The following KCNIP4 variants were observed in gnomAD, a reference collection of about 807,000 sequenced individuals.
The protein encoded by KCNIP4 is Kv channel-interacting protein 4.
In KCNIP4, 12 loss-of-function variants were observed where a neutral mutation model predicts 34.0. That is an observed-to-expected ratio of 0.35 (90% CI 0.23 to 0.57). KCNIP4 has a LOEUF of 0.57. KCNIP4 is among the 20% of genes least tolerant of loss of function. The pLI, the probability that KCNIP4 is intolerant of heterozygous loss-of-function variation, is 0.83. For synonymous variants in KCNIP4, 124 were observed against 102.2 expected (o/e 1.21, Z -1.29); for missense variants, 238 against 311.7 (o/e 0.76, Z 1.78).
chr4:21,745,540 A>G (rs1716714421), intron 1 of KCNIP4, among the ~76,000 whole-genome samples: 1 of 152,180 alleles, frequency 6.6e-6, no homozygotes, highest in Non-Finnish European at 1.5e-5. Context: ...TAAATTTAAA[A>G]TTCACCTACT....
At chr4:21,503,234 T>C (rs1197519505) in intron 1 of KCNIP4, among the ~76,000 whole-genome samples, 3 of 152,202 alleles carry the variant, frequency 2.0e-5, no homozygotes, top group Non-Finnish European at 2.9e-5. Flanking sequence ...TCTTGTATTT[T>C]CTTGCCTTAG....
chr4:20,894,796 T>C (rs144409914), intron 1 of KCNIP4, among the ~76,000 whole-genome samples: 2 of 152,298 alleles, frequency 1.3e-5, no homozygotes, highest in Non-Finnish European at 2.9e-5. Flanking sequence ...AATTAAACAA[T>C]AGAACAAGAA....
intron 1 of KCNIP4, among the ~76,000 whole-genome samples, chr4:21,772,905 TG>T (rs1718897014): frequency 1.3e-5 from 2 of 152,314 alleles, no homozygotes; most frequent in South Asian, 4.1e-4. Context: ...GGGTTTTTCA[TG>T]TCTCTATCTC....
intron 1 of KCNIP4, among the ~76,000 whole-genome samples, chr4:21,275,592 A>G (rs1762389871): frequency 6.6e-6 from 1 of 152,200 alleles, no homozygotes; most frequent in South Asian, 2.1e-4. Context: ...GAGAAAGCCT[A>G]GTGCAATTCT....
At chr4:20,734,805 G>T (rs192139659) in intron 5 of KCNIP4, 70 bp from the exon 6 acceptor site, 3 of 685,738 alleles carry the variant, frequency 4.4e-6, no homozygotes, top group Non-Finnish European at 4.7e-6. Flanking sequence ...AACAAATGAT[G>T]TAAGTAAGGG....
intron 1 of KCNIP4, among the ~76,000 whole-genome samples, chr4:21,555,665 C>A (rs1040025040): frequency 2.0e-5 from 3 of 152,084 alleles, no homozygotes; most frequent in African/African-American, 4.8e-5. Flanking sequence ...AACATATGCT[C>A]AAATACTGGT....
intron 1 of KCNIP4, among the ~76,000 whole-genome samples, chr4:21,565,102 T>C (rs2109040032): frequency 6.6e-6 from 1 of 152,276 alleles, no homozygotes; most frequent in Non-Finnish European, 1.5e-5. Flanking sequence ...AAAAATCCTG[T>C]GTTAATCAGC....
At chr4:21,117,328 T>G (rs1749785048) in intron 1 of KCNIP4, among the ~76,000 whole-genome samples, 1 of 144,682 alleles carries the variant, frequency 6.9e-6, no homozygotes, top group Admixed American at 7.0e-5. Context: ...GGCGCTGTTT[T>G]TCATCTTCCT....
rs531501226 is a variant in KCNIP4 at position 21,682,325 on chromosome 4, C to T, written c.61+266246G>A. On this transcript the variant is annotated intron_variant, in intron 1 of 8. Coordinates refer to ENST00000382152, the MANE Select transcript of KCNIP4 (RefSeq NM_025221.6). ...ATCCAATTTTCTCCCACCTCCAACA[C>T]TGGGGATTGTAACTCGACATAAGAT... Among the ~76,000 whole-genome samples the T allele has an allele frequency of 9.9e-5, 15 of 152,262 alleles. No homozygotes were observed. The East Asian group carries it at 2.1e-3, about 22-fold the overall frequency.
chr4:21,201,517 G>T (rs1756491987), intron 1 of KCNIP4, among the ~76,000 whole-genome samples: 1 of 152,094 alleles, frequency 6.6e-6, no homozygotes, highest in Non-Finnish European at 1.5e-5. Flanking sequence ...TTGTTTTTGA[G>T]ATGGACTCTC....
chr4:21,493,150 T>A (rs906550711), intron 1 of KCNIP4, among the ~76,000 whole-genome samples: 1 of 150,902 alleles, frequency 6.6e-6, no homozygotes, highest in Non-Finnish European at 1.5e-5. Context: ...CATGGGGCCA[T>A]CTGTAGTGCA....
intron 1 of KCNIP4, among the ~76,000 whole-genome samples, chr4:21,043,383 G>A (rs955219837): frequency 1.1e-4 from 17 of 152,188 alleles, no homozygotes; most frequent in African/African-American, 3.9e-4. Context: ...AGGCTGGAGT[G>A]CATTGGTGCG....
intron 1 of KCNIP4, among the ~76,000 whole-genome samples, chr4:20,894,076 T>C (rs538633617): frequency 3.6e-4 from 55 of 152,148 alleles, no homozygotes; most frequent in African/African-American, 1.2e-3. Flanking sequence ...AGATGGGATT[T>C]CACTATGTTG....
At chr4:21,507,243 A>G (rs1212459734) in intron 1 of KCNIP4, among the ~76,000 whole-genome samples, 3 of 151,746 alleles carry the variant, frequency 2.0e-5, no homozygotes, top group Non-Finnish European at 2.9e-5. Flanking sequence ...TGGTCTGGGC[A>G]CTGGCAATGG....
chr4:21,144,114 A>G (rs1330693786), intron 1 of KCNIP4, among the ~76,000 whole-genome samples: 1 of 152,164 alleles, frequency 6.6e-6, no homozygotes, highest in African/African-American at 2.4e-5. Context: ...TTTTGTCTAT[A>G]GATACACACA....
At chr4:20,956,438 G>A (rs1733311388) in intron 1 of KCNIP4, among the ~76,000 whole-genome samples, 1 of 151,856 alleles carries the variant, frequency 6.6e-6, no homozygotes. Flanking sequence ...CCGGGAGGTG[G>A]AGCTTGCAGT....
chr4:21,637,069 G>A (rs1277212109), intron 1 of KCNIP4, among the ~76,000 whole-genome samples: 1 of 152,108 alleles, frequency 6.6e-6, no homozygotes, highest in East Asian at 1.9e-4. Context: ...CAGGAAATTG[G>A]TTCCGGGACC....
intron 3 of KCNIP4, among the ~76,000 whole-genome samples, chr4:20,785,039 A>G (rs966909839): frequency 6.6e-6 from 1 of 152,122 alleles, no homozygotes; most frequent in Non-Finnish European, 1.5e-5. Flanking sequence ...GGGGATATAT[A>G]TCATTGGGAA....
intron 1 of KCNIP4, among the ~76,000 whole-genome samples, chr4:21,239,739 G>T (rs1271268363): frequency 6.6e-6 from 1 of 152,150 alleles, no homozygotes; most frequent in Non-Finnish European, 1.5e-5. Context: ...TGCTGGAGAG[G>T]ATGTGGAGAA....
Sources: gnomAD v4.1 joint callset for allele counts (sites outside exome capture counted in the v4.1 genomes callset) on GRCh38, gnomAD v4.1.1 for gene constraint, MANE v1.5 for transcripts, NCBI Gene and HGNC (gene_info 2026-07-23, HGNC 2026-07-21) for gene names.